Variants in CNTNAP2 observed in about 807,000 individuals in gnomAD.
The protein encoded by CNTNAP2 is contactin-associated protein-like 2.
A neutral mutation model predicts 155.2 loss-of-function variants in CNTNAP2; 98 were observed. The ratio of observed to expected loss-of-function variants is 0.63; its 90% confidence interval spans 0.54 to 0.75. The LOEUF (loss-of-function observed/expected upper bound fraction) is 0.75. CNTNAP2 is among the 30% of genes least tolerant of loss of function. The probability of loss-of-function intolerance (pLI) is 0.00; values close to 1 mark genes in which losing one functional copy is unlikely to be tolerated. For missense variants in CNTNAP2, 1,727 were observed against 1,688.1 expected (o/e 1.02, Z -0.40); for synonymous variants, 651 against 631.2 (o/e 1.03, Z -0.47).
At chr7:148,260,574 G>C (rs931978460) in intron 20 of CNTNAP2, among the ~76,000 whole-genome samples, 5 of 152,170 alleles carry the variant, frequency 3.3e-5, no homozygotes, top group Admixed American at 2.0e-4. Flanking sequence ...AGTCAAACGG[G>C]AGCTGGAAAC....
chr7:146,357,932 A>G (rs1795023936), intron 1 of CNTNAP2, among the ~76,000 whole-genome samples: 1 of 151,648 alleles, frequency 6.6e-6, no homozygotes, highest in Admixed American at 6.6e-5. Flanking sequence ...CGCCACACAC[A>G]GGACTATACA....
chr7:147,326,781 C>T (rs991155543), intron 9 of CNTNAP2, among the ~76,000 whole-genome samples: 6 of 152,146 alleles, frequency 3.9e-5, no homozygotes, highest in African/African-American at 7.2e-5. Flanking sequence ...TGAGGTGAAA[C>T]GTATAGAAGT....
intron 1 of CNTNAP2, among the ~76,000 whole-genome samples, chr7:146,692,928 G>T (rs1800721505): frequency 6.6e-6 from 1 of 152,062 alleles, no homozygotes; most frequent in African/African-American, 2.4e-5. Flanking sequence ...GTATGAAACT[G>T]CCATGAAATA....
In CNTNAP2 at chr7:148,099,329, T is replaced by TC. The variant is rs558756050; in HGVS notation, c.2384-18787dup. Among the ~76,000 whole-genome samples the TC allele has an allele frequency of 2.2e-4, 34 of 152,206 alleles. 2 individuals are homozygous for TC. The East Asian group carries it at 6.2e-3, about 28-fold the overall frequency. On this transcript the variant is annotated intron_variant, in intron 15 of 23. Coordinates refer to ENST00000361727, the MANE Select transcript of CNTNAP2 (RefSeq NM_014141.6). ...GATTTTAGCTACATTTATTAATAAC[T>TC]CCATGAATTTAGAATGTTAATGGAA...
At chr7:147,429,152 GTATA>G (rs141561595) in intron 10 of CNTNAP2, among the ~76,000 whole-genome samples, 3 of 145,772 alleles carry the variant, frequency 2.1e-5, no homozygotes, top group Admixed American at 6.9e-5. Flanking sequence ...GTGTGTTTGT[GTATA>G]TATATATATA....
At chr7:147,969,860 T>C (rs986614682) in intron 14 of CNTNAP2, among the ~76,000 whole-genome samples, 2 of 152,130 alleles carry the variant, frequency 1.3e-5, no homozygotes, top group African/African-American at 2.4e-5. Flanking sequence ...GTAAAGTCTG[T>C]CTATTTTTTT....
rs80095582 is a variant in CNTNAP2 at position 146,511,217 on chromosome 7, A to G, written c.98-263054A>G. On this transcript the variant is annotated intron_variant, in intron 1 of 23. Coordinates refer to ENST00000361727, the MANE Select transcript of CNTNAP2 (RefSeq NM_014141.6). Reference sequence around the variant, plus strand: ...CCAGCCAGGTTTTTCTTAATATAAGATTGTGCCATCTGTGAACAGGAGTAT... The same window carrying G: ...CCAGCCAGGTTTTTCTTAATATAAGGTTGTGCCATCTGTGAACAGGAGTAT... 5.4e-4 allele frequency among the ~76,000 whole-genome samples: 82 copies of G among 152,274 alleles called. 1 individual carries two copies. The East Asian group carries it at 0.014, about 27-fold the overall frequency.
intron 1 of CNTNAP2, among the ~76,000 whole-genome samples, chr7:146,197,169 G>A (rs185736351): frequency 2.6e-4 from 39 of 152,030 alleles, no homozygotes; most frequent in Admixed American, 6.6e-4. Flanking sequence ...ATTTTTTTAC[G>A]TTGTAAAGGC....
At chr7:146,724,025 A>G (rs1018774904) in intron 1 of CNTNAP2, among the ~76,000 whole-genome samples, 2 of 152,160 alleles carry the variant, frequency 1.3e-5, no homozygotes, top group Non-Finnish European at 2.9e-5. Flanking sequence ...GTTTTCTGGA[A>G]TTCAAACGTT....
chr7:147,651,320 C>A (rs1484220407), intron 13 of CNTNAP2, among the ~76,000 whole-genome samples: 1 of 152,176 alleles, frequency 6.6e-6, no homozygotes, highest in Non-Finnish European at 1.5e-5. Context: ...CTGATTGAAT[C>A]AGGCCCATCC....
chr7:147,048,412 C>T (rs1452799976), intron 4 of CNTNAP2, among the ~76,000 whole-genome samples: 1 of 152,146 alleles, frequency 6.6e-6, no homozygotes, highest in African/African-American at 2.4e-5. Flanking sequence ...ATCGATTTCA[C>T]TCAGTGATGC....
At chr7:147,708,844 C>T (rs1796357944) in intron 13 of CNTNAP2, among the ~76,000 whole-genome samples, 1 of 152,160 alleles carries the variant, frequency 6.6e-6, no homozygotes, top group Admixed American at 6.5e-5. Flanking sequence ...CATCTATTCA[C>T]TGTTTTTGTT....
intron 8 of CNTNAP2, among the ~76,000 whole-genome samples, chr7:147,292,213 T>G (rs1363163879): frequency 6.6e-6 from 1 of 152,298 alleles, no homozygotes; most frequent in Non-Finnish European, 1.5e-5. Flanking sequence ...TTTGTTTGAT[T>G]GTATAAAGTA....
intron 2 of CNTNAP2, among the ~76,000 whole-genome samples, chr7:146,821,773 T>G (rs541175100): frequency 6.6e-6 from 1 of 151,846 alleles, no homozygotes; most frequent in South Asian, 2.1e-4. Flanking sequence ...CACAATGAGA[T>G]ACCATCTCAC....
At chr7:147,063,863 A>T (rs997378948) in intron 4 of CNTNAP2, among the ~76,000 whole-genome samples, 1 of 152,152 alleles carries the variant, frequency 6.6e-6, no homozygotes, top group Admixed American at 6.5e-5. Context: ...AAAGCAGTAT[A>T]AAAAATCTTA....
chr7:147,063,252 T>C (rs1480172355), intron 4 of CNTNAP2, among the ~76,000 whole-genome samples: 1 of 152,202 alleles, frequency 6.6e-6, no homozygotes, highest in East Asian at 1.9e-4. Context: ...CATCAATGGG[T>C]GGACTTTGAG....
intron 3 of CNTNAP2, among the ~76,000 whole-genome samples, chr7:146,954,111 T>C (rs1046149804): frequency 6.6e-6 from 1 of 151,970 alleles, no homozygotes; most frequent in African/African-American, 2.4e-5. Flanking sequence ...TTTGGAATCG[T>C]ATTTCTTGCT....
chr7:146,770,897 C>T (rs1802283162), intron 1 of CNTNAP2, among the ~76,000 whole-genome samples: 2 of 152,104 alleles, frequency 1.3e-5, no homozygotes, highest in Non-Finnish European at 2.9e-5. Context: ...ATTGGATATT[C>T]ACTCTTAGAA....
intron 13 of CNTNAP2, among the ~76,000 whole-genome samples, chr7:147,733,994 G>C (rs1432846227): frequency 6.6e-6 from 1 of 152,052 alleles, no homozygotes; most frequent in Non-Finnish European, 1.5e-5. Context: ...TTTCCTAATT[G>C]AATGCCCTTT....
Sources: allele counts gnomAD v4.1 joint callset (sites outside exome capture counted in the v4.1 genomes callset), GRCh38; gene constraint gnomAD v4.1.1; transcripts MANE v1.5; gene names NCBI Gene and HGNC (gene_info 2026-07-23, HGNC 2026-07-21).